KIF13B: variants seen among roughly 807,000 people sequenced by gnomAD.
KIF13B encodes kinesin-like protein KIF13B.
A neutral mutation model predicts 222.0 loss-of-function variants in KIF13B; 127 were observed. The ratio of observed to expected loss-of-function variants is 0.57; its 90% CI spans 0.50 to 0.66. KIF13B has a LOEUF of 0.66. KIF13B is among the 30% of genes least tolerant of loss of function. The pLI, the probability that KIF13B is intolerant of heterozygous loss-of-function variation, is 0.00. For missense variants in KIF13B, 2,173 were observed against 2,379.0 expected (o/e 0.91, Z 1.80); for synonymous variants, 976 against 919.0 (o/e 1.06, Z -1.12).
At position 29,176,168 on chromosome 8, in the gene KIF13B, G is replaced by A. The variant is rs1472335140; in HGVS notation, c.845C>T (p.Thr282Ile). 3 of 1,608,922 alleles carry A rather than the reference G, an allele frequency of 1.9e-6. No individual in the cohort carries two copies. Among genetic ancestry groups the A allele is most frequent in the Non-Finnish European group, 1.7e-6 (2 of 1,175,814 alleles). The stretch of plus-strand genomic sequence containing the variant: ...AAGAGCTGAGATAACCAGACCGAGG[G>A]TTGTGAGGGACCTGCATGGTGCAAC... ...EGSNINKSLTTLGLVISALAD... is the reference protein window; with the variant it reads ...EGSNINKSLTILGLVISALAD... Residue 282 changes from threonine to isoleucine, a missense_variant, in exon 10 of 40, where the codon ACC becomes ATC. By Grantham distance (89) the Thr-to-Ile change is moderately conservative. Transcript: ENST00000524189.
chr8:29,221,349 C>T lies in KIF13B; in HGVS notation c.149+23997G>A, dbSNP rs1457279817. On this transcript the variant is annotated intron_variant, in intron 2 of 39. Coordinates refer to ENST00000524189, the MANE Select transcript of KIF13B (RefSeq NM_015254.4). Reference sequence around the variant, plus strand: ...AACTGCTGACCTCAAGTGATCTGCCCGCTTCGGCCTCCCAAAATGCTGGGA... The same window carrying T: ...AACTGCTGACCTCAAGTGATCTGCCTGCTTCGGCCTCCCAAAATGCTGGGA... Among the ~76,000 whole-genome samples the T allele has an allele frequency of 7.3e-5, 11 of 151,308 alleles. No individual in the cohort carries two copies. In the East Asian group the frequency reaches 9.7e-4, roughly 13 times the overall value.
intron 2 of KIF13B, among the ~76,000 whole-genome samples, chr8:29,222,682 T>C (rs532107051): frequency 6.6e-5 from 10 of 151,774 alleles, no homozygotes; most frequent in African/African-American, 9.7e-5. Context: ...ACAAAAAGAG[T>C]TGTGATTCAG....
intron 2 of KIF13B, among the ~76,000 whole-genome samples, chr8:29,241,064 A>G (rs933505698): frequency 5.3e-5 from 8 of 152,248 alleles, no homozygotes; most frequent in Non-Finnish European, 1.0e-4. Flanking sequence ...ATGCCCATCA[A>G]CTGATGAATG....
intron 1 of KIF13B, among the ~76,000 whole-genome samples, chr8:29,256,907 A>C (rs1321882696): frequency 6.6e-6 from 1 of 152,082 alleles, no homozygotes; most frequent in Non-Finnish European, 1.5e-5. Flanking sequence ...GGCACTCACC[A>C]CCACACCCAG....
rs1386698072 is a variant in KIF13B at position 29,071,839 on chromosome 8, G to C, written c.4999C>G (p.Pro1667Ala). 1 of 1,540,412 alleles carries C rather than the reference G, an allele frequency of 6.5e-7. No individual in the cohort carries two copies. Among genetic ancestry groups the C allele is most frequent in the Non-Finnish European group, 8.7e-7 (1 of 1,146,058 alleles). ...CCCTCGGCCCCCGGGGAGCAGCCGG[G>C]GTCCCCAGCCAGCATGCGCGAGAAG... Reference protein sequence around the residue: ...RSFSRMLAGDPGCSPGAEGNA... With the variant: ...RSFSRMLAGDAGCSPGAEGNA... The change falls in exon 39 of 40, where the codon CCC becomes GCC. Residue 1667 changes from proline (P) to alanine (A), a missense_variant. By Grantham distance (27) the Pro-to-Ala change is conservative. Transcript: ENST00000524189. This position sits in a 1 kb window ranked among gnomAD's most constrained non-coding sequence, Gnocchi z 4.9.
intron 36 of KIF13B, among the ~76,000 whole-genome samples, chr8:29,096,334 C>CT (rs1808529711): frequency 8.0e-6 from 1 of 125,716 alleles, no homozygotes; most frequent in Admixed American, 1.0e-4. Context: ...GGATCTCACT[C>CT]TGTCGCCTAG....
At chr8:29,117,085 C>T in intron 30 of KIF13B, 78 bp from the exon 31 acceptor site, 2 of 1,367,568 alleles carry the variant, frequency 1.5e-6, no homozygotes, top group Non-Finnish European at 2.0e-6. Context: ...ACCACCTTGG[C>T]TCAGGCTGAA....
chr8:29,229,922 T>C lies in KIF13B; in HGVS notation c.149+15424A>G, dbSNP rs544202373. Reference sequence around the variant, plus strand: ...ACCCAGTTAATATTTATTGAGTACCTACCATATATGCCAGTGTTATTTGAA... The same window carrying C: ...ACCCAGTTAATATTTATTGAGTACCCACCATATATGCCAGTGTTATTTGAA... On this transcript the variant is annotated intron_variant, in intron 2 of 39. Transcript: ENST00000524189. Among the ~76,000 whole-genome samples, 3 of 152,352 alleles carry C rather than the reference T, an allele frequency of 2.0e-5. No homozygotes were observed. The South Asian group carries it at 6.2e-4, about 32-fold the overall frequency.
intron 35 of KIF13B, among the ~76,000 whole-genome samples, chr8:29,105,604 G>A (rs1221686890): frequency 8.0e-6 from 1 of 124,848 alleles, no homozygotes; most frequent in Non-Finnish European, 1.7e-5. Flanking sequence ...ATTATTTTCT[G>A]TTATTGTATC....
At chr8:29,122,690 T>C (rs1809928788) in intron 28 of KIF13B, 44 bp from the exon 29 acceptor site, 1 of 1,508,656 alleles carries the variant, frequency 6.6e-7, no homozygotes, top group Admixed American at 1.8e-5. Context: ...GGTTACTTTC[T>C]CAGTGGCATG....
intron 1 of KIF13B, among the ~76,000 whole-genome samples, chr8:29,248,007 C>T (rs909719186): frequency 6.6e-5 from 10 of 152,108 alleles, no homozygotes; most frequent in Non-Finnish European, 1.3e-4. Context: ...TACCATCTCG[C>T]ATCCACTGGG....
At chr8:29,104,791 T>A (rs1456591339) in intron 35 of KIF13B, among the ~76,000 whole-genome samples, 2 of 152,130 alleles carry the variant, frequency 1.3e-5, no homozygotes, top group African/African-American at 4.8e-5. Context: ...TCGCCCAGGC[T>A]GGAGTGCAGT....
In KIF13B at chr8:29,123,334, A is replaced by G. The variant is rs932606722; in HGVS notation, c.3479+32T>C. On this transcript the variant is annotated intron_variant, in intron 28 of 39. Coordinates refer to ENST00000524189, the MANE Select transcript of KIF13B (RefSeq NM_015254.4). Reference sequence around the variant, plus strand: ...AAAGCAAGTGGCTTGGTGAGCGTTCAGACCTCACAAGACGCACCACAGGGT... The same window carrying G: ...AAAGCAAGTGGCTTGGTGAGCGTTCGGACCTCACAAGACGCACCACAGGGT... 4 of 1,610,702 alleles carry G rather than the reference A, an allele frequency of 2.5e-6. No homozygotes were observed. In the African/African-American group the frequency reaches 4.0e-5, roughly 16 times the overall value.
At chr8:29,206,043 A>G (rs778923322) in intron 2 of KIF13B, among the ~76,000 whole-genome samples, 8 of 152,116 alleles carry the variant, frequency 5.3e-5, no homozygotes, top group Non-Finnish European at 1.2e-4. Flanking sequence ...GTGAGCTATG[A>G]TTGTGCCACT....
At chr8:29,171,996 G>A (rs1220148394) in intron 10 of KIF13B, among the ~76,000 whole-genome samples, 1 of 151,046 alleles carries the variant, frequency 6.6e-6, no homozygotes, top group African/African-American at 2.4e-5. Context: ...GGCCTCAGGT[G>A]ATCTGTCCAC....
At chr8:29,142,100 T>G in intron 19 of KIF13B, 57 bp downstream of exon 19, 1 of 1,466,858 alleles carries the variant, frequency 6.8e-7, no homozygotes, top group East Asian at 2.3e-5. Flanking sequence ...GTAGACTCAT[T>G]CCAGCTTGGC....
intron 3 of KIF13B, among the ~76,000 whole-genome samples, chr8:29,191,600 A>G (rs1195247192): frequency 1.3e-5 from 2 of 152,248 alleles, no homozygotes; most frequent in Non-Finnish European, 2.9e-5. Context: ...GTATGATTCC[A>G]TATTTGTACC....
At chr8:29,195,340 C>T (rs930145194) in intron 3 of KIF13B, among the ~76,000 whole-genome samples, 8 of 152,068 alleles carry the variant, frequency 5.3e-5, no homozygotes, top group Admixed American at 2.0e-4. Context: ...GAAACCAGTG[C>T]CCTATTCGGC....
chr8:29,214,238 A>G (rs1259834666), intron 2 of KIF13B, among the ~76,000 whole-genome samples: 1 of 152,256 alleles, frequency 6.6e-6, no homozygotes, highest in Non-Finnish European at 1.5e-5. Context: ...AGCTTACTGT[A>G]AAGTTTTTAC....
Sources: allele counts gnomAD v4.1 joint callset (sites outside exome capture counted in the v4.1 genomes callset), GRCh38; gene constraint gnomAD v4.1.1; non-coding constraint Gnocchi (gnomAD v3.1); transcripts MANE v1.5; gene names NCBI Gene and HGNC (gene_info 2026-07-23, HGNC 2026-07-21).